GALNT17: variants seen among roughly 807,000 people sequenced by gnomAD.
GALNT17 encodes polypeptide N-acetylgalactosaminyltransferase 17.
GALNT17 carries 29 observed loss-of-function variants against 63.7 expected under a neutral mutation model. The ratio of observed to expected loss-of-function variants is 0.46; its 90% CI spans 0.34 to 0.62. The LOEUF is 0.62. Ranked by LOEUF, GALNT17 falls within the 20% of genes least tolerant of loss-of-function variation. The pLI is 0.01. For synonymous variants in GALNT17, 305 were observed against 318.3 expected (o/e 0.96, Z 0.45); for missense variants, 603 against 799.6 (o/e 0.75, Z 2.97).
At chr7:71,694,047 C>A (rs558691536) in intron 9 of GALNT17, among the ~76,000 whole-genome samples, 1 of 152,052 alleles carries the variant, frequency 6.6e-6, no homozygotes, top group Non-Finnish European at 1.5e-5. Flanking sequence ...CTCACAGTTC[C>A]ACGTGGCTGG....
chr7:71,165,553 A>G (rs999458497), intron 1 of GALNT17, among the ~76,000 whole-genome samples: 14 of 152,196 alleles, frequency 9.2e-5, no homozygotes, highest in Admixed American at 2.6e-4. Context: ...TGTCACGACA[A>G]TAGCACCGGA....
At chr7:71,377,110 A>ATATATATATATATAT (rs1563047531) in intron 2 of GALNT17, among the ~76,000 whole-genome samples, 5 of 63,476 alleles carry the variant, frequency 7.9e-5, no homozygotes, top group East Asian at 5.1e-4. Context: ...ATAAAAATAA[A>ATATATATATATATAT]AAAAATATAT....
chr7:71,288,805 A>ACT (rs1256605104), intron 1 of GALNT17, among the ~76,000 whole-genome samples: 4 of 152,154 alleles, frequency 2.6e-5, no homozygotes, highest in Non-Finnish European at 5.9e-5. Context: ...AGGAGAGGAG[A>ACT]GTTGGTTGAT....
intron 6 of GALNT17, among the ~76,000 whole-genome samples, chr7:71,602,409 T>C (rs896088513): frequency 1.3e-5 from 2 of 152,090 alleles, no homozygotes; most frequent in African/African-American, 4.8e-5. Flanking sequence ...TCCTTAACTC[T>C]CCTTTGGTAA....
At chr7:71,566,924 CCTT>C (rs1789358135) in intron 5 of GALNT17, among the ~76,000 whole-genome samples, 2 of 152,238 alleles carry the variant, frequency 1.3e-5, no homozygotes, top group South Asian at 4.2e-4. Context: ...TCTGCCTCCT[CCTT>C]CTGCTCAATC....
chr7:71,164,038 C>T (rs556704940), intron 1 of GALNT17, among the ~76,000 whole-genome samples: 2 of 152,258 alleles, frequency 1.3e-5, no homozygotes, highest in South Asian at 4.2e-4. Flanking sequence ...TTTCTGTTAT[C>T]GAGGAAAGAG....
chr7:71,198,106 G>C (rs1332961429), intron 1 of GALNT17, among the ~76,000 whole-genome samples: 1 of 151,234 alleles, frequency 6.6e-6, no homozygotes, highest in African/African-American at 2.4e-5. Flanking sequence ...GCTGAGGCAG[G>C]AGAATCGCTT....
At chr7:71,585,383 G>A (rs1192629275) in intron 6 of GALNT17, among the ~76,000 whole-genome samples, 1 of 152,102 alleles carries the variant, frequency 6.6e-6, no homozygotes, top group African/African-American at 2.4e-5. Flanking sequence ...TAGGGCCTAC[G>A]GAATGGTGAT....
At chr7:71,196,599 A>T (rs2116352718) in intron 1 of GALNT17, among the ~76,000 whole-genome samples, 1 of 151,890 alleles carries the variant, frequency 6.6e-6, no homozygotes, top group South Asian at 2.1e-4. Context: ...GCTACTTGAT[A>T]GTGTGTGGCT....
At chr7:71,177,720 C>T (rs1585860181) in intron 1 of GALNT17, among the ~76,000 whole-genome samples, 1 of 152,100 alleles carries the variant, frequency 6.6e-6, no homozygotes, top group South Asian at 2.1e-4. Context: ...ATTTTACCAA[C>T]GAGTTGCTCA....
intron 5 of GALNT17, among the ~76,000 whole-genome samples, chr7:71,537,107 A>G (rs551214089): frequency 1.3e-5 from 2 of 152,210 alleles, no homozygotes; most frequent in Non-Finnish European, 2.9e-5. Flanking sequence ...GGCTCATCCC[A>G]AGTGCCTCCA....
intron 9 of GALNT17, among the ~76,000 whole-genome samples, chr7:71,688,875 T>G (rs1791400711): frequency 6.6e-6 from 1 of 152,138 alleles, no homozygotes; most frequent in Non-Finnish European, 1.5e-5. Flanking sequence ...AGATGTTGCA[T>G]TTTTTCACAG....
intron 6 of GALNT17, among the ~76,000 whole-genome samples, chr7:71,654,238 A>C (rs1790794767): frequency 6.6e-6 from 1 of 152,124 alleles, no homozygotes. Flanking sequence ...GATGGTCTCC[A>C]TCTCCTGACG....
chr7:71,497,726 G>C (rs1017678049), intron 5 of GALNT17, among the ~76,000 whole-genome samples: 1 of 152,194 alleles, frequency 6.6e-6, no homozygotes, highest in African/African-American at 2.4e-5. Context: ...AGCCTGCCAA[G>C]GTTCATGACG....
intron 1 of GALNT17, among the ~76,000 whole-genome samples, chr7:71,268,971 G>A (rs1272410425): frequency 6.6e-6 from 1 of 152,204 alleles, no homozygotes; most frequent in Admixed American, 6.5e-5. Context: ...CTGCAGAGGG[G>A]ATCTGGCACT....
At chr7:71,534,302 A>G (rs1290829870) in intron 5 of GALNT17, among the ~76,000 whole-genome samples, 1 of 152,212 alleles carries the variant, frequency 6.6e-6, no homozygotes, top group Middle Eastern at 3.4e-3. Flanking sequence ...AAAGCCCCTT[A>G]TAAAACCATC....
At chr7:71,633,414 G>A (rs554437854) in intron 6 of GALNT17, among the ~76,000 whole-genome samples, 1 of 152,316 alleles carries the variant, frequency 6.6e-6, no homozygotes, top group African/African-American at 2.4e-5. Flanking sequence ...CCTGGGGGCC[G>A]GGATAGCTCT....
intron 6 of GALNT17, among the ~76,000 whole-genome samples, chr7:71,613,812 T>C (rs1790159928): frequency 6.9e-6 from 1 of 145,840 alleles, no homozygotes; most frequent in Non-Finnish European, 1.5e-5. Context: ...TTTTTTTTTT[T>C]AGTTAGCTGG....
At chr7:71,294,289 C>T (rs1791037512) in intron 1 of GALNT17, among the ~76,000 whole-genome samples, 2 of 152,006 alleles carry the variant, frequency 1.3e-5, no homozygotes, top group Non-Finnish European at 2.9e-5. Flanking sequence ...ATTTCTCTTC[C>T]CAGTTTGAGA....
Sources: gnomAD v4.1 joint callset for allele counts (sites outside exome capture counted in the v4.1 genomes callset) on GRCh38, gnomAD v4.1.1 for gene constraint, MANE v1.5 for transcripts, NCBI Gene and HGNC (gene_info 2026-07-23, HGNC 2026-07-21) for gene names.